The following PCOLCE2 variants were observed in gnomAD, a reference collection of about 807,000 sequenced individuals.
PCOLCE2 encodes procollagen C-endopeptidase enhancer 2.
PCOLCE2 carries 42 observed loss-of-function variants against 47.0 expected under a neutral mutation model. The ratio of observed to expected loss-of-function variants is 0.89; its 90% CI spans 0.70 to 1.16. The LOEUF is 1.16. PCOLCE2 is among the 50% of genes most tolerant of loss of function. PCOLCE2 has a pLI of 0.00. For missense variants in PCOLCE2, 500 were observed against 526.1 expected (o/e 0.95, Z 0.49); for synonymous variants, 169 against 191.7 (o/e 0.88, Z 0.98).
chr3:142,868,002 A>G (rs1386143382), intron 2 of PCOLCE2, among the ~76,000 whole-genome samples: 2 of 152,194 alleles, frequency 1.3e-5, no homozygotes, highest in African/African-American at 4.8e-5. Context: ...AATGGTTATA[A>G]ACTCTTCCCA....
intron 7 of PCOLCE2, among the ~76,000 whole-genome samples, chr3:142,822,077 C>A (rs1937022167): frequency 6.6e-6 from 1 of 151,964 alleles, no homozygotes; most frequent in East Asian, 1.9e-4. Context: ...ACCACCACAC[C>A]CAGCTAATTT....
At chr3:142,830,605 C>T (rs1477427062) in intron 5 of PCOLCE2, among the ~76,000 whole-genome samples, 1 of 152,188 alleles carries the variant, frequency 6.6e-6, no homozygotes, top group Non-Finnish European at 1.5e-5. Flanking sequence ...TGATTAAGAG[C>T]TCTAATTTTA....
intron 2 of PCOLCE2, among the ~76,000 whole-genome samples, chr3:142,865,824 G>GAT (rs907200502): frequency 1.2e-4 from 19 of 152,272 alleles, no homozygotes; most frequent in African/African-American, 4.3e-4. Flanking sequence ...AGGAAATGTG[G>GAT]ATATAGTCTT....
chr3:142,882,331 C>T (rs1459848807), intron 2 of PCOLCE2, among the ~76,000 whole-genome samples: 1 of 152,106 alleles, frequency 6.6e-6, no homozygotes, highest in African/African-American at 2.4e-5. Flanking sequence ...CAGGTGTGAG[C>T]CACCAGGCCT....
At chr3:142,834,362 G>A (rs1690492021) in intron 5 of PCOLCE2, among the ~76,000 whole-genome samples, 1 of 152,124 alleles carries the variant, frequency 6.6e-6, no homozygotes, top group African/African-American at 2.4e-5. Flanking sequence ...ATTTTTAAAT[G>A]ATATTGAGTC....
At chr3:142,856,122 T>C (rs1206921677) in intron 2 of PCOLCE2, among the ~76,000 whole-genome samples, 2 of 152,122 alleles carry the variant, frequency 1.3e-5, no homozygotes, top group African/African-American at 2.4e-5. Flanking sequence ...GCTGTGTGAA[T>C]AGTAAGGGAG....
intron 3 of PCOLCE2, among the ~76,000 whole-genome samples, chr3:142,847,101 G>A (rs1286816050): frequency 1.3e-5 from 2 of 152,162 alleles, no homozygotes; most frequent in East Asian, 3.9e-4. Flanking sequence ...GTTCTAGCAG[G>A]CATTTAACTT....
At chr3:142,881,298 T>G (rs1390994900) in intron 2 of PCOLCE2, among the ~76,000 whole-genome samples, 1 of 152,214 alleles carries the variant, frequency 6.6e-6, no homozygotes, top group Non-Finnish European at 1.5e-5. Flanking sequence ...TAGACTTCAA[T>G]TTCCCCATTT....
chr3:142,864,673 C>T (rs937224191), intron 2 of PCOLCE2, among the ~76,000 whole-genome samples: 4 of 152,224 alleles, frequency 2.6e-5, no homozygotes, highest in African/African-American at 9.6e-5. Flanking sequence ...ACTGCTCATT[C>T]CCACCCACAG....
chr3:142,861,852 A>C (rs1933188563), intron 2 of PCOLCE2, among the ~76,000 whole-genome samples: 2 of 152,326 alleles, frequency 1.3e-5, no homozygotes, highest in South Asian at 4.1e-4. Context: ...GGGCCTCCCA[A>C]ATGTCAGTAT....
chr3:142,880,663 A>T (rs1303770695), intron 2 of PCOLCE2, among the ~76,000 whole-genome samples: 1 of 152,244 alleles, frequency 6.6e-6, no homozygotes, highest in Non-Finnish European at 1.5e-5. Context: ...TGCCATTTAA[A>T]ATTGATCAGG....
chr3:142,845,130 T>G (rs1393548207), intron 3 of PCOLCE2, among the ~76,000 whole-genome samples: 1 of 152,238 alleles, frequency 6.6e-6, no homozygotes, highest in African/African-American at 2.4e-5. Flanking sequence ...CTGTTTTTCC[T>G]TATAGCCTTC....
At chr3:142,859,244 G>T (rs1393869406) in intron 2 of PCOLCE2, among the ~76,000 whole-genome samples, 1 of 151,852 alleles carries the variant, frequency 6.6e-6, no homozygotes, top group Non-Finnish European at 1.5e-5. Flanking sequence ...TGTATTTTTA[G>T]TGGAGACGGG....
At chr3:142,843,401 C>A in intron 3 of PCOLCE2, 1 of 423,616 alleles carries the variant, frequency 2.4e-6, no homozygotes, top group South Asian at 1.8e-5. Flanking sequence ...CTCCTCAAGG[C>A]ATTGGTATTT....
intron 5 of PCOLCE2, among the ~76,000 whole-genome samples, chr3:142,832,525 T>C (rs1937161576): frequency 6.6e-6 from 1 of 152,106 alleles, no homozygotes; most frequent in Non-Finnish European, 1.5e-5. Context: ...AACTCTTCCT[T>C]CAAGACTCAT....
rs530439021 is a variant in PCOLCE2 at position 142,864,125 on chromosome 3, G to A, written c.193-15653C>T. On this transcript the variant is annotated intron_variant, in intron 2 of 8. Coordinates refer to ENST00000295992, the MANE Select transcript of PCOLCE2 (RefSeq NM_013363.4). ...CAGATGGCTTGAAAGTTATAGCAGG[G>A]TGGGGGTAATTACGTTCAAACATGC... 3.3e-5 allele frequency: 5 copies of A among 152,312 alleles called. No homozygotes were observed. In the East Asian group the frequency reaches 9.6e-4, roughly 29 times the overall value. 9.4% of individuals were successfully genotyped at this position (152,312 alleles called of 1,614,324 possible).
chr3:142,831,650 C>A (rs900644853), intron 5 of PCOLCE2, among the ~76,000 whole-genome samples: 6 of 152,246 alleles, frequency 3.9e-5, no homozygotes, highest in African/African-American at 1.4e-4. Flanking sequence ...GCACTACACA[C>A]AATTCTAACC....
chr3:142,867,748 C>G (rs543810757), intron 2 of PCOLCE2, among the ~76,000 whole-genome samples: 1 of 152,328 alleles, frequency 6.6e-6, no homozygotes, highest in Admixed American at 6.5e-5. Flanking sequence ...AACAGAACTT[C>G]TAACCACTGC....
At chr3:142,845,186 C>T (rs891492959) in intron 3 of PCOLCE2, among the ~76,000 whole-genome samples, 3 of 152,024 alleles carry the variant, frequency 2.0e-5, no homozygotes, top group Non-Finnish European at 2.9e-5. Flanking sequence ...AATCTTTTGG[C>T]TTTTAGTGAT....
Sources: allele counts gnomAD v4.1 joint callset (sites outside exome capture counted in the v4.1 genomes callset), GRCh38; gene constraint gnomAD v4.1.1; transcripts MANE v1.5; gene names NCBI Gene and HGNC (gene_info 2026-07-23, HGNC 2026-07-21).